SORBS2: variants seen among roughly 807,000 people sequenced by gnomAD.
SORBS2 encodes the protein sorbin and SH3 domain containing 2, also known as sorbin and SH3 domain-containing protein 2.
In SORBS2, 46 loss-of-function variants were observed where a neutral mutation model predicts 97.7. The ratio of observed to expected loss-of-function variants is 0.47; its 90% CI spans 0.37 to 0.60. The LOEUF is 0.60. Among genes scored for constraint, SORBS2 ranks in the 20% least tolerant of loss-of-function variants. The probability of loss-of-function intolerance (pLI) is 0.00; values close to 1 mark genes in which losing one functional copy is unlikely to be tolerated. For missense variants in SORBS2, 1,316 were observed against 1,282.3 expected, an observed-to-expected ratio of 1.03 and a Z score of -0.40; for synonymous variants, 476 against 473.4, an observed-to-expected ratio of 1.01 and a Z score of -0.07.
Position 185,606,808 on chromosome 4 carries a change from C to A in SORBS2, c.2796+4972G>T. 1.0e-6 allele frequency: 1 copy of A among 985,330 alleles called. No individual in the cohort carries two copies. Among genetic ancestry groups the A allele is most frequent in the Non-Finnish European group, 1.2e-6 (1 of 829,914 alleles). 61.0% of individuals were successfully genotyped at this position (985,330 alleles called of 1,614,324 possible). A position where few individuals can be genotyped will look rare whatever the true frequency, so the allele number is the denominator to read the frequency against. ...GCCTGACACAATCCCCTCATAGATG[C>A]CCTCATCTTCCTCTCCAATGACCGG... On this transcript the variant is annotated intron_variant, in intron 12 of 14. Transcript: ENST00000418609. The surrounding 1 kb of genome is among the most constrained non-coding windows in gnomAD (Gnocchi z 4.3).
chr4:185,933,568 C>T (rs1050086239), intron 1 of SORBS2, among the ~76,000 whole-genome samples: 2 of 152,114 alleles, frequency 1.3e-5, no homozygotes, highest in Non-Finnish European at 2.9e-5. Context: ...TCTTTGGCTT[C>T]CTTGGCTTGT....
chr4:185,677,256 C>A (rs1561859141), intron 4 of SORBS2: 2 of 1,551,864 alleles, frequency 1.3e-6, no homozygotes, highest in East Asian at 4.9e-5. Context: ...ACTAATGGGG[C>A]TGCTACTTCC....
At chr4:185,910,342 T>C (rs1444742413) in intron 1 of SORBS2, among the ~76,000 whole-genome samples, 1 of 152,156 alleles carries the variant, frequency 6.6e-6, no homozygotes, top group Non-Finnish European at 1.5e-5. Flanking sequence ...AAATGCTGAT[T>C]TTGTAACAAA....
intron 1 of SORBS2, among the ~76,000 whole-genome samples, chr4:185,788,650 A>G (rs114352963): frequency 2.1e-3 from 325 of 152,322 alleles, no homozygotes; most frequent in African/African-American, 7.6e-3. Context: ...TGAATTTTAT[A>G]ATTATACCCT....
chr4:185,601,604 T>TA (rs1365874264), intron 12 of SORBS2, among the ~76,000 whole-genome samples: 2 of 152,218 alleles, frequency 1.3e-5, no homozygotes, highest in African/African-American at 2.4e-5. Flanking sequence ...CTACGTTGTT[T>TA]AAGCTATAAT....
chr4:185,632,311 T>C (rs957137715), intron 4 of SORBS2, among the ~76,000 whole-genome samples: 14 of 152,184 alleles, frequency 9.2e-5, no homozygotes, highest in Non-Finnish European at 1.8e-4. Flanking sequence ...ATCCTCCTTT[T>C]AGACAGAAAA....
At chr4:185,812,449 C>T (rs2099188379) in intron 1 of SORBS2, among the ~76,000 whole-genome samples, 1 of 152,224 alleles carries the variant, frequency 6.6e-6, no homozygotes, top group Non-Finnish European at 1.5e-5. Flanking sequence ...TTTTTCTGCT[C>T]TCCTGAAGAA....
intron 2 of SORBS2, among the ~76,000 whole-genome samples, chr4:185,701,509 G>A (rs1351922040): frequency 6.6e-6 from 1 of 152,218 alleles, no homozygotes; most frequent in Non-Finnish European, 1.5e-5. Flanking sequence ...GAGCGTAAAA[G>A]CACTTTGTCA....
chr4:185,797,278 C>T (rs1363154142), intron 1 of SORBS2, among the ~76,000 whole-genome samples: 1 of 152,220 alleles, frequency 6.6e-6, no homozygotes, highest in Non-Finnish European at 1.5e-5. Context: ...TTTCTCCCGG[C>T]CCCGTCACCT....
intron 1 of SORBS2, among the ~76,000 whole-genome samples, chr4:185,939,618 C>G (rs1266748430): frequency 1.3e-5 from 2 of 152,184 alleles, no homozygotes; most frequent in African/African-American, 2.4e-5. Flanking sequence ...TCAAGCGATT[C>G]TCCTGCCTCA....
intron 1 of SORBS2, among the ~76,000 whole-genome samples, chr4:185,785,996 CG>C (rs1048765596): frequency 1.3e-5 from 2 of 151,924 alleles, no homozygotes; most frequent in Non-Finnish European, 2.9e-5. Flanking sequence ...TTACATTACA[CG>C]GAAAAAAATT....
intron 2 of SORBS2, among the ~76,000 whole-genome samples, chr4:185,769,115 G>A (rs2098954696): frequency 6.9e-6 from 1 of 145,578 alleles, no homozygotes; most frequent in African/African-American, 2.6e-5. Context: ...GCATGAAGGT[G>A]TAAGTCAAAG....
intron 9 of SORBS2, among the ~76,000 whole-genome samples, chr4:185,617,149 A>G (rs778584307): frequency 6.6e-6 from 1 of 152,216 alleles, no homozygotes; most frequent in Non-Finnish European, 1.5e-5. Context: ...TATATATTTA[A>G]GAAAGCTATG....
chr4:185,661,276 G>GA (rs3080187), upstream of SORBS2, among the ~76,000 whole-genome samples: 33,254 of 141,054 alleles, frequency 0.24, 4,269 homozygotes, highest in East Asian at 0.48. Flanking sequence ...ACTCCATCTT[G>GA]AAAAAAAAAA....
At chr4:185,640,726 C>T (rs891893615) in intron 4 of SORBS2, among the ~76,000 whole-genome samples, 6 of 152,058 alleles carry the variant, frequency 3.9e-5, no homozygotes, top group Non-Finnish European at 7.4e-5. Context: ...ATTATAGATG[C>T]ATAATTGTTC....
chr4:185,690,834 T>C lies in SORBS2; in HGVS notation c.-197-12012A>G, dbSNP rs114255209. On this transcript the variant is annotated intron_variant, in intron 2 of 20. Transcript: ENST00000284776. ...ATAAAACAGACATATTCTGTTTTTA[T>C]GCTTTTGTTTAATGGTGAGCATTAA... 3.4e-3 allele frequency among the ~76,000 whole-genome samples: 516 copies of C among 152,326 alleles called. 4 individuals are homozygous for C. The highest frequency in any genetic ancestry group is 0.012 in the African/African-American group (489 of 41,584).
intron 1 of SORBS2, among the ~76,000 whole-genome samples, chr4:185,654,935 C>T (rs1389655710): frequency 6.6e-6 from 1 of 152,202 alleles, no homozygotes; most frequent in Non-Finnish European, 1.5e-5. Context: ...ATATTTTCTA[C>T]ATAGCAGTAT....
chr4:185,761,121 C>T (rs1449609730), intron 2 of SORBS2, among the ~76,000 whole-genome samples: 2 of 152,196 alleles, frequency 1.3e-5, no homozygotes, highest in African/African-American at 2.4e-5. Context: ...TTTTCCTTCA[C>T]TTTTAACTCC....
intron 2 of SORBS2, among the ~76,000 whole-genome samples, chr4:185,679,884 C>T (rs1020933543): frequency 8.5e-5 from 13 of 152,116 alleles, no homozygotes; most frequent in African/African-American, 3.1e-4. Context: ...CTGAGAAATG[C>T]GAGCATCTGA....
Sources: allele counts gnomAD v4.1 joint callset (sites outside exome capture counted in the v4.1 genomes callset), GRCh38; gene constraint gnomAD v4.1.1; non-coding constraint Gnocchi (gnomAD v3.1); transcripts MANE v1.5; gene names NCBI Gene and HGNC (gene_info 2026-07-23, HGNC 2026-07-21).